Variants in SLC23A2 observed in about 807,000 individuals in gnomAD.
SLC23A2 encodes solute carrier family 23 member 2, also known as Na(+)/L-ascorbic acid transporter 2.
A neutral mutation model predicts 73.3 loss-of-function variants in SLC23A2; 36 were observed. That is an observed-to-expected ratio of 0.49 (90% CI 0.38 to 0.65). The LOEUF (loss-of-function observed/expected upper bound fraction) is 0.65, where lower values mean the gene tolerates loss of function less well. Among genes scored for constraint, SLC23A2 ranks in the 30% least tolerant of loss-of-function variants. The probability of loss-of-function intolerance (pLI) is 0.00; values close to 1 mark genes in which losing one functional copy is unlikely to be tolerated. For missense variants in SLC23A2, 507 were observed against 841.6 expected, an observed-to-expected ratio of 0.60 and a Z score of 4.92; for synonymous variants, 343 against 327.3, an observed-to-expected ratio of 1.05 and a Z score of -0.52.
intron 1 of SLC23A2, among the ~76,000 whole-genome samples, chr20:4,990,763 G>A (rs111784275): frequency 0.013 from 1,905 of 151,028 alleles, 38 homozygotes; most frequent in African/African-American, 0.042. Context: ...CAGGTGGATC[G>A]CTAGAGGTCA....
intron 1 of SLC23A2, among the ~76,000 whole-genome samples, chr20:4,996,707 AAACAAC>A (rs1450015785): frequency 1.8e-4 from 27 of 146,164 alleles, no homozygotes; most frequent in African/African-American, 6.0e-4. Context: ...AAAAAAAAAA[AAACAAC>A]AACTCATGAG....
intron 3 of SLC23A2, among the ~76,000 whole-genome samples, chr20:4,927,110 T>A (rs986999896): frequency 6.6e-6 from 1 of 151,988 alleles, no homozygotes; most frequent in Non-Finnish European, 1.5e-5. Flanking sequence ...CAAGCAGAGA[T>A]GGGCTAGCCA....
rs567727420 is a variant in SLC23A2, at chr20:4,861,887, C to T, written c.1624+61G>A. ...GTCCTCTCCAATGGGCAAAGAGCTG[C>T]GTGTGGACTGGCGGCTGTGGTTCCA... On this transcript the variant is annotated intron_variant, in intron 15 of 16. Transcript: ENST00000338244. 3.0e-5 allele frequency: 47 copies of T among 1,579,286 alleles called. No individual in the cohort carries two copies. In the Admixed American group the frequency reaches 5.4e-4, roughly 18 times the overall value.
intron 4 of SLC23A2, among the ~76,000 whole-genome samples, chr20:4,906,754 A>C (rs1165794940): frequency 6.6e-6 from 1 of 152,240 alleles, no homozygotes; most frequent in Non-Finnish European, 1.5e-5. Context: ...CTTTTCTTCT[A>C]AGTCCTAAAA....
rs543242533 is a variant in SLC23A2, at chr20:4,976,029, AT to A, written c.-281-5111del. ...TCACCAGGCCCGGCTAATTTTTTATATTTTTAGTAGAGACGGGGTTTCACCG... is the reference window on the plus strand; with the variant it reads ...TCACCAGGCCCGGCTAATTTTTTATATTTTAGTAGAGACGGGGTTTCACCG... On this transcript the variant is annotated intron_variant, in intron 1 of 16. Coordinates refer to ENST00000338244, the MANE Select transcript of SLC23A2 (RefSeq NM_005116.6). Among the ~76,000 whole-genome samples the A allele has an allele frequency of 2.7e-5, 4 of 150,296 alleles. No individual in the cohort carries two copies. In the South Asian group the frequency reaches 8.5e-4, roughly 32 times the overall value.
chr20:4,887,667 C>T (rs967459649), intron 6 of SLC23A2, among the ~76,000 whole-genome samples: 1 of 152,188 alleles, frequency 6.6e-6, no homozygotes, highest in Non-Finnish European at 1.5e-5. Context: ...GATACTTGCT[C>T]ATTTGCAAGC....
chr20:4,862,164 C>T lies in SLC23A2; in HGVS notation c.1487-79G>A, dbSNP rs1929989447. On this transcript the variant is annotated intron_variant, in intron 14 of 16. Transcript: ENST00000338244. This position sits in a 1 kb window ranked among gnomAD's most constrained non-coding sequence, Gnocchi z 5.1. Reference sequence around the variant, plus strand: ...CTCAAGGCAGGTGAGGGCAGGCTCCCTGGCACCCCTTCTCTGTCCAACAGA... The same window carrying T: ...CTCAAGGCAGGTGAGGGCAGGCTCCTTGGCACCCCTTCTCTGTCCAACAGA... 7.0e-6 allele frequency: 10 copies of T among 1,418,832 alleles called. 1 individual carries two copies. In the South Asian group the frequency reaches 1.3e-4, roughly 18 times the overall value. The allele number at this position is 1,418,832 out of a possible 1,614,324, so 87.9% of individuals were successfully genotyped here.
At chr20:4,948,685 A>G (rs2087153582) in intron 2 of SLC23A2, among the ~76,000 whole-genome samples, 1 of 152,226 alleles carries the variant, frequency 6.6e-6, no homozygotes, top group South Asian at 2.1e-4. Flanking sequence ...GAGGCTTTAA[A>G]TATTCCATGC....
intron 11 of SLC23A2, among the ~76,000 whole-genome samples, chr20:4,871,460 T>C (rs1186727437): frequency 1.3e-5 from 2 of 152,020 alleles, no homozygotes; most frequent in Non-Finnish European, 2.9e-5. Context: ...AGAGCTCTCA[T>C]GCAGGGCACA....
rs900571354 is a variant in SLC23A2 at position 4,942,326 on chromosome 20, A to G, written c.-154-9610T>C. Among the ~76,000 whole-genome samples, 4 of 151,980 alleles carry G rather than the reference A, an allele frequency of 2.6e-5. No individual in the cohort carries two copies. In the East Asian group the frequency reaches 5.8e-4, roughly 22 times the overall value. On this transcript the variant is annotated intron_variant, in intron 2 of 16. Transcript: ENST00000338244. Reference sequence around the variant, plus strand: ...AGATTTCTTAAAGCTCCCTGCAGCCAAAGTTAAAAATCACTACCTTAAAGG... The same window carrying G: ...AGATTTCTTAAAGCTCCCTGCAGCCGAAGTTAAAAATCACTACCTTAAAGG...
chr20:4,989,953 C>A (rs1340274004), intron 1 of SLC23A2, among the ~76,000 whole-genome samples: 1 of 152,108 alleles, frequency 6.6e-6, no homozygotes, highest in African/African-American at 2.4e-5. Flanking sequence ...ACTTCCCAGC[C>A]CCCTTGCACC....
chr20:4,958,731 T>C (rs75511237), intron 2 of SLC23A2, among the ~76,000 whole-genome samples: 5,747 of 151,990 alleles, frequency 0.038, 353 homozygotes, highest in African/African-American at 0.13. Flanking sequence ...CCTGGCTGAG[T>C]AGCTGCAAAT....
intron 1 of SLC23A2, among the ~76,000 whole-genome samples, chr20:5,006,547 T>TTTTA (rs78731557): frequency 0.2 from 28,971 of 147,482 alleles, 3,089 homozygotes; most frequent in East Asian, 0.35. Flanking sequence ...GTAAAAGCCA[T>TTTTA]TTTATTTATT....
At chr20:4,988,608 C>T (rs1374388312) in intron 1 of SLC23A2, among the ~76,000 whole-genome samples, 1 of 151,736 alleles carries the variant, frequency 6.6e-6, no homozygotes, top group African/African-American at 2.4e-5. Context: ...TGGTGGCACA[C>T]ACCTGTAGTC....
chr20:5,002,212 C>T (rs1388437486), upstream of SLC23A2, among the ~76,000 whole-genome samples: 1 of 152,140 alleles, frequency 6.6e-6, no homozygotes, highest in Non-Finnish European at 1.5e-5. Flanking sequence ...TAGAGCTGGG[C>T]AGCCTCACTT....
At chr20:4,940,286 G>C (rs2087020325) in intron 2 of SLC23A2, among the ~76,000 whole-genome samples, 1 of 151,806 alleles carries the variant, frequency 6.6e-6, no homozygotes, top group Non-Finnish European at 1.5e-5. Context: ...CTTCACTACA[G>C]CCTGGGTGGC....
At chr20:4,908,801 G>A (rs1223447956) in intron 4 of SLC23A2, among the ~76,000 whole-genome samples, 1 of 152,198 alleles carries the variant, frequency 6.6e-6, no homozygotes, top group Non-Finnish European at 1.5e-5. Context: ...GGTGGTGCAC[G>A]CCTGTGATCC....
Position 4,899,439 on chromosome 20 carries a change from C to A in SLC23A2, c.482+116G>T, listed in dbSNP as rs1160332958. ...GGGGACCAACGGCCACTAGGACATT[C>A]CCGTGCCTCCATTCTGTCCTTGCCA... On this transcript the variant is annotated intron_variant, in intron 6 of 16. Transcript: ENST00000338244. This position sits in a 1 kb window ranked among gnomAD's most constrained non-coding sequence, Gnocchi z 4.9. The A allele has an allele frequency of 1.7e-6, 2 of 1,195,158 alleles. No homozygotes were observed. The highest frequency in any genetic ancestry group is 2.7e-5 in the South Asian group (2 of 74,168). 74.0% of individuals were successfully genotyped at this position (1,195,158 alleles called of 1,614,324 possible).
At chr20:4,976,999 T>C (rs1210063639) in intron 1 of SLC23A2, among the ~76,000 whole-genome samples, 3 of 151,884 alleles carry the variant, frequency 2.0e-5, no homozygotes, top group Admixed American at 6.6e-5. Flanking sequence ...CAAAAATGCA[T>C]ATCCAATGAA....
Sources: allele counts gnomAD v4.1 joint callset (sites outside exome capture counted in the v4.1 genomes callset), GRCh38; gene constraint gnomAD v4.1.1; non-coding constraint Gnocchi (gnomAD v3.1); transcripts MANE v1.5; gene names NCBI Gene and HGNC (gene_info 2026-07-23, HGNC 2026-07-21).